RBFOX1: variants seen among roughly 807,000 people sequenced by gnomAD.
The protein encoded by RBFOX1 is RNA binding fox-1 homolog 1, also known as RNA binding protein fox-1 homolog 1.
A neutral mutation model predicts 57.7 loss-of-function variants in RBFOX1; 8 were observed. The observed-to-expected ratio is 0.14, with a 90% CI of 0.08 to 0.25. RBFOX1 has a LOEUF of 0.25. RBFOX1 is among the 10% of genes least tolerant of loss of function. The probability of loss-of-function intolerance (pLI) is 1.00; values close to 1 mark genes in which losing one functional copy is unlikely to be tolerated. For missense variants in RBFOX1, 611 were observed against 548.5 expected (o/e 1.11, Z -1.14); for synonymous variants, 326 against 222.4 (o/e 1.47, Z -4.15).
intron 3 of RBFOX1, among the ~76,000 whole-genome samples, chr16:6,916,333 C>T (rs1360229865): frequency 6.6e-6 from 1 of 152,146 alleles, no homozygotes; most frequent in South Asian, 2.1e-4. Context: ...GTTGTTTTTA[C>T]CTTTTTGCTA....
At chr16:5,998,783 C>T (rs1596372884) in intron 4 of RBFOX1, among the ~76,000 whole-genome samples, 3 of 152,162 alleles carry the variant, frequency 2.0e-5, no homozygotes, top group African/African-American at 2.4e-5. Context: ...TCTGGTCTGT[C>T]GGCATCTTCT....
At chr16:5,701,645 G>C (rs1054144714) in intron 3 of RBFOX1, among the ~76,000 whole-genome samples, 4 of 152,040 alleles carry the variant, frequency 2.6e-5, no homozygotes, top group Admixed American at 1.3e-4. Flanking sequence ...TGTTGCCCAG[G>C]CTGGTCTCAA....
At chr16:5,783,899 C>T (rs1016901142) in intron 3 of RBFOX1, among the ~76,000 whole-genome samples, 1 of 152,140 alleles carries the variant, frequency 6.6e-6, no homozygotes, top group Non-Finnish European at 1.5e-5. Flanking sequence ...GTGTGCATCC[C>T]CTCCACAAAT....
intron 1 of RBFOX1, among the ~76,000 whole-genome samples, chr16:6,031,201 G>T (rs147123006): frequency 3.3e-5 from 5 of 152,204 alleles, no homozygotes; most frequent in African/African-American, 1.2e-4. Context: ...GTGACCAGTG[G>T]GGAGAAGAGA....
At chr16:6,186,210 A>G (rs2097104203) in intron 1 of RBFOX1, among the ~76,000 whole-genome samples, 1 of 152,198 alleles carries the variant, frequency 6.6e-6, no homozygotes, top group Non-Finnish European at 1.5e-5. Flanking sequence ...TGGGTTCGTC[A>G]TCATCAGTCT....
chr16:7,103,054 T>G (rs2062963899), intron 4 of RBFOX1, among the ~76,000 whole-genome samples: 1 of 144,668 alleles, frequency 6.9e-6, no homozygotes, highest in Non-Finnish European at 1.5e-5. Flanking sequence ...TTTAATTCCC[T>G]AATTCTATCT....
intron 4 of RBFOX1, among the ~76,000 whole-genome samples, chr16:5,889,678 C>G (rs2057998097): frequency 6.6e-6 from 1 of 152,190 alleles, no homozygotes; most frequent in Admixed American, 6.5e-5. Context: ...TAACCAAAAG[C>G]CAACGTGGAG....
At chr16:7,597,194 A>C (rs2094748544) in intron 8 of RBFOX1, 177 bp from the exon 9 acceptor site, 2 of 509,742 alleles carry the variant, frequency 3.9e-6, no homozygotes, top group South Asian at 3.0e-5. Context: ...TTATGAAGTA[A>C]ATGTAATTTT....
At chr16:5,837,355 C>G (rs1188320417) in intron 3 of RBFOX1, among the ~76,000 whole-genome samples, 1 of 152,010 alleles carries the variant, frequency 6.6e-6, no homozygotes, top group Admixed American at 6.6e-5. Flanking sequence ...GAGGGTTTGT[C>G]CAGCTGGCAG....
chr16:6,894,542 A>T (rs2091040084), intron 3 of RBFOX1, among the ~76,000 whole-genome samples: 1 of 152,074 alleles, frequency 6.6e-6, no homozygotes, highest in South Asian at 2.1e-4. Context: ...GGTACTCCCA[A>T]AGTGTACCCC....
chr16:6,334,673 G>A (rs2083424299), intron 2 of RBFOX1, among the ~76,000 whole-genome samples: 1 of 152,192 alleles, frequency 6.6e-6, no homozygotes, highest in African/African-American at 2.4e-5. Flanking sequence ...GGACAGGCAA[G>A]TAGATTTCTT....
chr16:5,272,275 T>C (rs1250928175), intron 1 of RBFOX1, among the ~76,000 whole-genome samples: 1 of 152,236 alleles, frequency 6.6e-6, no homozygotes, highest in Non-Finnish European at 1.5e-5. Context: ...TTAATTAGTT[T>C]GATCTAATCA....
intron 2 of RBFOX1, among the ~76,000 whole-genome samples, chr16:6,459,317 C>T (rs553532568): frequency 8.1e-4 from 123 of 152,298 alleles, no homozygotes; most frequent in African/African-American, 2.7e-3. Flanking sequence ...GCCTGGGCGA[C>T]AGAGGGCGAA....
At chr16:6,344,407 C>CTTTTTTTTTCTTTTTTTTTT (rs1555635141) in intron 2 of RBFOX1, among the ~76,000 whole-genome samples, 1 of 109,846 alleles carries the variant, frequency 9.1e-6, no homozygotes, top group African/African-American at 4.4e-5. Flanking sequence ...TCTTTTTTTT[C>CTTTTTTTTTCTTTTTTTTTT]TTTTTTTTTT....
intron 4 of RBFOX1, among the ~76,000 whole-genome samples, chr16:7,123,650 C>G (rs891953971): frequency 6.6e-6 from 1 of 152,076 alleles, no homozygotes; most frequent in Non-Finnish European, 1.5e-5. Context: ...GAGGAGTGAG[C>G]CACCCCACCT....
chr16:5,831,789 C>G (rs2056285073), intron 3 of RBFOX1, among the ~76,000 whole-genome samples: 1 of 152,088 alleles, frequency 6.6e-6, no homozygotes, highest in African/African-American at 2.4e-5. Context: ...TTTAGCCATG[C>G]AAGATGGCCT....
At chr16:6,071,375 G>T (rs1272963600) in intron 1 of RBFOX1, among the ~76,000 whole-genome samples, 1 of 151,958 alleles carries the variant, frequency 6.6e-6, no homozygotes, top group Non-Finnish European at 1.5e-5. Flanking sequence ...ACATGTAAAG[G>T]GCAGAAAAGA....
intron 4 of RBFOX1, among the ~76,000 whole-genome samples, chr16:7,397,945 C>T (rs765360931): frequency 2.6e-5 from 4 of 152,062 alleles, no homozygotes; most frequent in Non-Finnish European, 5.9e-5. Context: ...TTTCTCGGCT[C>T]AGTGAACAAT....
At position 7,710,785 on chromosome 16, in the gene RBFOX1, G is replaced by A. The variant is rs760694211; in HGVS notation, c.*40G>A. ...AAAACCTTCCAATGTGGGGAGAAAG[G>A]AAGCTTTCCGAGGCCTGAGTATTGC... On this transcript the variant is annotated 3_prime_UTR_variant, in exon 16 of 16. Coordinates refer to ENST00000550418, the MANE Select transcript of RBFOX1 (RefSeq NM_018723.4). 1.3e-6 allele frequency: 2 copies of A among 1,481,786 alleles called. No homozygotes were observed. Among genetic ancestry groups the A allele is most frequent in the East Asian group, 2.5e-5 (1 of 40,508 alleles). 91.8% of individuals were successfully genotyped at this position (1,481,786 alleles called of 1,614,324 possible).
Sources: allele counts gnomAD v4.1 joint callset (sites outside exome capture counted in the v4.1 genomes callset), GRCh38; gene constraint gnomAD v4.1.1; transcripts MANE v1.5; gene names NCBI Gene and HGNC (gene_info 2026-07-23, HGNC 2026-07-21).